Variants in AMPH observed in about 807,000 individuals in gnomAD.
The protein encoded by AMPH is amphiphysin.
AMPH carries 49 observed loss-of-function variants against 99.1 expected under a neutral mutation model. That is an observed-to-expected ratio of 0.49 (90% CI 0.39 to 0.63). The LOEUF is 0.63. Ranked by LOEUF, AMPH falls within the 20% of genes least tolerant of loss-of-function variation. The pLI is 0.00. For missense variants in AMPH, 759 were observed against 863.4 expected, an observed-to-expected ratio of 0.88 and a Z score of 1.52; for synonymous variants, 314 against 317.3, an observed-to-expected ratio of 0.99 and a Z score of 0.11.
At chr7:38,604,967 G>A (rs1793382950) in intron 1 of AMPH, among the ~76,000 whole-genome samples, 1 of 152,114 alleles carries the variant, frequency 6.6e-6, no homozygotes, top group African/African-American at 2.4e-5. Flanking sequence ...AATGACAAAG[G>A]ATTAACAGGT....
intron 1 of AMPH, among the ~76,000 whole-genome samples, chr7:38,577,675 GA>G (rs1055991285): frequency 4.7e-5 from 7 of 147,696 alleles, no homozygotes; most frequent in Non-Finnish European, 8.9e-5. Context: ...AGGAAAGAAA[GA>G]AAAAAAGAGA....
At chr7:38,528,347 C>T (rs997111139) in intron 2 of AMPH, among the ~76,000 whole-genome samples, 1 of 152,080 alleles carries the variant, frequency 6.6e-6, no homozygotes, top group Non-Finnish European at 1.5e-5. Flanking sequence ...TAGAATTATC[C>T]AGTGAAACTA....
intron 1 of AMPH, among the ~76,000 whole-genome samples, chr7:38,597,723 C>G (rs1400785359): frequency 6.6e-6 from 1 of 152,158 alleles, no homozygotes; most frequent in Non-Finnish European, 1.5e-5. Context: ...AAAACCCCAC[C>G]CATCACAACT....
chr7:38,401,805 A>C (rs1391609201), intron 17 of AMPH, among the ~76,000 whole-genome samples: 1 of 151,880 alleles, frequency 6.6e-6, no homozygotes, highest in Non-Finnish European at 1.5e-5. Flanking sequence ...TTTTTTGGTG[A>C]TTTCTTATGA....
Position 38,384,668 on chromosome 7 carries a change from G to T in AMPH, c.*150C>A. 3 of 598,192 alleles carry T rather than the reference G, an allele frequency of 5.0e-6. No individual in the cohort carries two copies. The highest frequency in any genetic ancestry group is 4.3e-4 in the Middle Eastern group (1 of 2,316). 37.1% of individuals were successfully genotyped at this position (598,192 alleles called of 1,614,324 possible). On this transcript the variant is annotated 3_prime_UTR_variant, in exon 21 of 21. Transcript: ENST00000356264. ...ACTTTTTTTCCTCTTACATTTTTTTGCACACATGCTCCATTGATACATCTT... is the reference window on the plus strand; with the variant it reads ...ACTTTTTTTCCTCTTACATTTTTTTTCACACATGCTCCATTGATACATCTT...
chr7:38,403,937 G>A (rs1299445932), intron 17 of AMPH, among the ~76,000 whole-genome samples: 1 of 152,178 alleles, frequency 6.6e-6, no homozygotes, highest in East Asian at 1.9e-4. Flanking sequence ...TTTGCACAAA[G>A]GGCAGAGCCC....
intron 5 of AMPH, among the ~76,000 whole-genome samples, chr7:38,477,556 T>G (rs1420530974): frequency 6.6e-6 from 1 of 152,178 alleles, no homozygotes; most frequent in Non-Finnish European, 1.5e-5. Flanking sequence ...CTCTTTCCCA[T>G]GGGTCAACAT....
intron 1 of AMPH, among the ~76,000 whole-genome samples, chr7:38,596,994 T>C (rs534268511): frequency 5.3e-4 from 80 of 152,356 alleles, no homozygotes; most frequent in African/African-American, 1.8e-3. Context: ...GCCCGGCCCA[T>C]AGCAACAATG....
At chr7:38,551,175 C>A (rs1474029580) in intron 1 of AMPH, among the ~76,000 whole-genome samples, 1 of 152,148 alleles carries the variant, frequency 6.6e-6, no homozygotes, top group Non-Finnish European at 1.5e-5. Context: ...ATTTTAACAT[C>A]AGGCAAATCT....
chr7:38,454,474 G>A (rs1412499324), intron 11 of AMPH, among the ~76,000 whole-genome samples: 1 of 151,868 alleles, frequency 6.6e-6, no homozygotes, highest in African/African-American at 2.4e-5. Context: ...GTAGAAAAAA[G>A]AGATAGTTTC....
chr7:38,398,991 T>C (rs1278310291), intron 17 of AMPH, among the ~76,000 whole-genome samples: 1 of 143,304 alleles, frequency 7.0e-6, no homozygotes, highest in African/African-American at 2.4e-5. Flanking sequence ...TCAGCTGTGA[T>C]TTTTGTCACA....
intron 1 of AMPH, among the ~76,000 whole-genome samples, chr7:38,617,417 A>C (rs1793913589): frequency 6.6e-6 from 1 of 152,256 alleles, no homozygotes; most frequent in East Asian, 1.9e-4. Context: ...GTTATCCCTT[A>C]AATAACAGAT....
At chr7:38,485,812 G>A (rs755365667) in intron 5 of AMPH, among the ~76,000 whole-genome samples, 1 of 151,736 alleles carries the variant, frequency 6.6e-6, no homozygotes, top group African/African-American at 2.4e-5. Context: ...GAAATCAATA[G>A]CAGAAAGAAA....
intron 11 of AMPH, among the ~76,000 whole-genome samples, chr7:38,445,017 A>G (rs2129000467): frequency 6.8e-6 from 1 of 147,382 alleles, no homozygotes; most frequent in Non-Finnish European, 1.5e-5. Flanking sequence ...ATATACACAC[A>G]CACACACGGT....
intron 1 of AMPH, among the ~76,000 whole-genome samples, chr7:38,618,928 C>A (rs1793962542): frequency 6.6e-6 from 1 of 152,114 alleles, no homozygotes; most frequent in Admixed American, 6.5e-5. Context: ...AATTAAAAGG[C>A]AGAGATTGGC....
Position 38,591,573 on chromosome 7 carries a change from C to T in AMPH, c.69+39710G>A, listed in dbSNP as rs547089664. Among the ~76,000 whole-genome samples the T allele has an allele frequency of 9.2e-5, 14 of 152,302 alleles. 1 individual carries two copies. In the East Asian group the frequency reaches 2.5e-3, roughly 27 times the overall value. Reference sequence around the variant, plus strand: ...ATGTGCTAAGATTACAGGCATAAGCCACCACGCCTGGCCCCAAATGGCTCC... The same window carrying T: ...ATGTGCTAAGATTACAGGCATAAGCTACCACGCCTGGCCCCAAATGGCTCC... On this transcript the variant is annotated intron_variant, in intron 1 of 20. Transcript: ENST00000356264.
chr7:38,522,965 G>A (rs1466136670), intron 2 of AMPH, among the ~76,000 whole-genome samples: 1 of 151,810 alleles, frequency 6.6e-6, no homozygotes, highest in Non-Finnish European at 1.5e-5. Flanking sequence ...AAAATTAGCC[G>A]GGCGTAGTGG....
rs185824165 is a variant in AMPH, at chr7:38,489,410, G to T, written c.396+1640C>A. On this transcript the variant is annotated intron_variant, in intron 5 of 20. Transcript: ENST00000356264. ...AAACTCCTAGAAGAAAAGTTGAGGGGGGGGGAAGCTTCATTTTCTAAATGA... is the reference window on the plus strand; with the variant it reads ...AAACTCCTAGAAGAAAAGTTGAGGGTGGGGGAAGCTTCATTTTCTAAATGA... 2.8e-4 allele frequency among the ~76,000 whole-genome samples: 42 copies of T among 152,066 alleles called. No individual in the cohort carries two copies. In the East Asian group the frequency reaches 4.4e-3, roughly 16 times the overall value.
chr7:38,543,914 A>C (rs1020827095), intron 1 of AMPH, among the ~76,000 whole-genome samples: 2 of 152,226 alleles, frequency 1.3e-5, no homozygotes, highest in African/African-American at 2.4e-5. Context: ...AAGAAATCGC[A>C]ATACCCATAA....
Sources: allele counts gnomAD v4.1 joint callset (sites outside exome capture counted in the v4.1 genomes callset), GRCh38; gene constraint gnomAD v4.1.1; transcripts MANE v1.5; gene names NCBI Gene and HGNC (gene_info 2026-07-23, HGNC 2026-07-21).